Variants in PCNT observed in about 807,000 individuals in gnomAD.
PCNT encodes the protein kendrin.
In PCNT, 319 loss-of-function variants were observed where a neutral mutation model predicts 380.4. That is an observed-to-expected ratio of 0.84 (90% confidence interval 0.77 to 0.92). The LOEUF (loss-of-function observed/expected upper bound fraction) is 0.92. Ranked by LOEUF, PCNT falls within the 40% of genes least tolerant of loss-of-function variation. The pLI, the probability that PCNT is intolerant of heterozygous loss-of-function variation, is 0.00. For missense variants in PCNT, 4,400 were observed against 4,255.3 expected (o/e 1.03, Z -0.95); for synonymous variants, 1,845 against 1,735.2 (o/e 1.06, Z -1.57).
chr21:46,359,247 C>CCAGCCTCG (rs1555957717), intron 13 of PCNT, among the ~76,000 whole-genome samples: 40 of 145,342 alleles, frequency 2.8e-4, no homozygotes, highest in Non-Finnish European at 3.3e-4. Context: ...GCCACCGAAC[C>CCAGCCTCG]TGGCTCCAGG....
rs552854585 is a variant in PCNT at position 46,380,145 on chromosome 21, A to ATTTTTT, written c.3166-1516_3166-1511dup. Among the ~76,000 whole-genome samples the ATTTTTT allele has an allele frequency of 4.0e-4, 24 of 59,714 alleles. 1 individual carries two copies. The highest frequency in any genetic ancestry group is 8.7e-4 in the African/African-American group (11 of 12,680). 39.2% of individuals were successfully genotyped at this position (59,714 alleles called of 152,430 possible). On this transcript the variant is annotated intron_variant, in intron 15 of 46. Transcript: ENST00000359568. ...GTTTCCAACCGGTGCCCTGGGGTAG[A>ATTTTTT]TTTTTTTTTTTTTTTTTTTTTTTTT... is the stretch of plus-strand genomic sequence containing the variant.
chr21:46,377,731 C>T (rs542420258), intron 15 of PCNT, among the ~76,000 whole-genome samples: 18 of 152,250 alleles, frequency 1.2e-4, no homozygotes, highest in African/African-American at 4.1e-4. Context: ...CCATATAGTT[C>T]CAGCTACTCA....
chr21:46,442,741 C>T lies in PCNT; in HGVS notation c.9700+168C>T, dbSNP rs17372047. ...TCGTCCAGAGGGAAGGCGCGCCCGG[C>T]GTAGGGAGGTCAGAGCTCATGTTAG... is the stretch of plus-strand genomic sequence containing the variant. On this transcript the variant is annotated intron_variant, in intron 44 of 46. Transcript: ENST00000359568. The T allele has an allele frequency of 0.05, 33,392 of 665,684 alleles. 1,095 individuals are homozygous for T. Among genetic ancestry groups the T allele is most frequent in the Non-Finnish European group, 0.063 (23,085 of 366,290 alleles). 41.2% of individuals were successfully genotyped at this position (665,684 alleles called of 1,614,324 possible).
intron 9 of PCNT, among the ~76,000 whole-genome samples, chr21:46,351,792 A>G (rs2146630333): frequency 6.6e-6 from 1 of 152,336 alleles, no homozygotes. Context: ...GCCAAGAGCA[A>G]CACTTGCAGG....
In PCNT at chr21:46,412,914, C is replaced by T. The variant is rs143671774; in HGVS notation, c.6072C>T (p.Thr2024=). Residue 2024 remains threonine, a synonymous_variant, in exon 29 of 47, where the codon ACC becomes ACT. Transcript: ENST00000359568. The part of the protein sequence containing the change: ...CKQEGVMSVL[T]VCQRQLQSEL... ...AAGAAGGCGTGATGTCAGTGCTCACCGTCTGCCAGAGGCAGCTGCAGTCGG... is the reference window on the plus strand; with the variant it reads ...AAGAAGGCGTGATGTCAGTGCTCACTGTCTGCCAGAGGCAGCTGCAGTCGG... The T allele has an allele frequency of 7.5e-4, 1,213 of 1,612,730 alleles. 2 individuals carry two copies. Among genetic ancestry groups the T allele is most frequent in the Non-Finnish European group, 9.8e-4 (1,153 of 1,180,020 alleles).
In PCNT at chr21:46,402,433, C is replaced by CA; in HGVS notation, c.5066dup (p.Thr1690AspfsTer9). 1.2e-6 allele frequency: 2 copies of CA among 1,613,950 alleles called. No homozygotes were observed. The highest frequency in any genetic ancestry group is 1.7e-6 in the Non-Finnish European group (2 of 1,179,908). ...CTTAAAATTGGACATGCAGAACAGC[C>CA]AGACTGCTGTCAGCCTCAGAGAACT... is the stretch of plus-strand genomic sequence containing the variant. On this transcript the variant is annotated frameshift_variant, in exon 27 of 47. Coordinates refer to ENST00000359568, the MANE Select transcript of PCNT (RefSeq NM_006031.6). LOFTEE classifies it high-confidence loss of function.
intron 1 of PCNT, chr21:46,324,788 CGGCCGG>C (rs1295198283): frequency 9.0e-6 from 7 of 775,368 alleles, no homozygotes; most frequent in Admixed American, 6.3e-5. Context: ...GTTTCCTGCG[CGGCCGG>C]GGCCGGGGGC....
intron 33 of PCNT, among the ~76,000 whole-genome samples, chr21:46,427,421 G>A (rs1391194532): frequency 2.0e-5 from 3 of 152,274 alleles, no homozygotes; most frequent in Non-Finnish European, 2.9e-5. Flanking sequence ...CCTGGTTTGC[G>A]GACAGCGTCT....
intron 12 of PCNT, 101 bp downstream of exon 12, chr21:46,355,727 G>A: frequency 8.8e-7 from 1 of 1,140,164 alleles, no homozygotes; most frequent in Non-Finnish European, 1.3e-6. Context: ...CCTCCGTGAA[G>A]CAGCTGAGTG....
intron 12 of PCNT, 54 bp from the exon 13 acceptor site, chr21:46,356,920 T>C: frequency 6.7e-7 from 1 of 1,498,684 alleles, no homozygotes; most frequent in South Asian, 1.1e-5. Context: ...GACTGTGGGC[T>C]CCATCGAGGG....
Position 46,325,196 on chromosome 21 carries a change from G to T in PCNT, c.54+914G>T, listed in dbSNP as rs767061817. 32 of 985,352 alleles carry T rather than the reference G, an allele frequency of 3.2e-5. 1 individual carries two copies. The highest frequency in any genetic ancestry group is 3.9e-5 in the Non-Finnish European group (32 of 829,922). The allele number at this position is 985,352 out of a possible 1,614,324, so 61.0% of individuals were successfully genotyped here. A position where few individuals can be genotyped will look rare whatever the true frequency, so the allele number is the denominator to read the frequency against. ...GCGCGAGGCGGAACCGCGGGAGCAG[G>T]CCGGCCTCTGCGAGGTGCGCGCCGC... On this transcript the variant is annotated intron_variant, in intron 1 of 46. Transcript: ENST00000359568.
intron 17 of PCNT, 120 bp downstream of exon 17, chr21:46,386,103 CCTGG>C: frequency 1.7e-6 from 2 of 1,197,362 alleles, no homozygotes; most frequent in South Asian, 2.5e-5. Context: ...CACGCTGGCT[CCTGG>C]TGGACGGGGA....
intron 2 of PCNT, among the ~76,000 whole-genome samples, chr21:46,327,514 C>T (rs2083431655): frequency 6.6e-6 from 1 of 152,146 alleles, no homozygotes; most frequent in South Asian, 2.1e-4. Context: ...GATCCTCCCT[C>T]CTCAGCCTCT....
intron 28 of PCNT, 99 bp from the exon 29 acceptor site, chr21:46,412,738 T>C: frequency 1.6e-6 from 2 of 1,281,700 alleles, no homozygotes; most frequent in Non-Finnish European, 2.2e-6. Context: ...CTGGCATCCC[T>C]GCTGGCTGCC....
chr21:46,397,399 C>T lies in PCNT; in HGVS notation c.4351C>T (p.Arg1451Cys), dbSNP rs200606073. Reference protein sequence around the residue: ...SELEEQLSQHRGCAKQAEAVT... With the variant: ...SELEEQLSQHCGCAKQAEAVT... Reference sequence around the variant, plus strand: ...GTTAGAAGAACAGCTGTCTCAGCATCGCGGGTGTGCCAAGCAGGCGGAGGC... The same window carrying T: ...GTTAGAAGAACAGCTGTCTCAGCATTGCGGGTGTGCCAAGCAGGCGGAGGC... Residue 1451 changes from arginine (R) to cysteine (C), a missense_variant, in exon 22 of 47, where the codon CGC becomes TGC. Transcript: ENST00000359568. The T allele has an allele frequency of 4.6e-5, 75 of 1,614,186 alleles. No homozygotes were observed. The highest frequency in any genetic ancestry group is 1.8e-4 in the Admixed American group (11 of 60,028).
rs1016205012 is a variant in PCNT, at chr21:46,325,295, G to T, written c.54+1013G>T. ...CGGGCACGGCGGACAGGGGACGCGG[G>T]GCTAGGCCGGGGAAGGGCTGAGGCG... On this transcript the variant is annotated intron_variant, in intron 1 of 46. Transcript: ENST00000359568. 8.1e-5 allele frequency: 63 copies of T among 775,350 alleles called. No individual in the cohort carries two copies. In the African/African-American group the frequency reaches 1.2e-3, roughly 14 times the overall value. 48.0% of individuals were successfully genotyped at this position (775,350 alleles called of 1,614,324 possible). A position where few individuals can be genotyped will look rare whatever the true frequency, so the allele number is the denominator to read the frequency against.
intron 21 of PCNT, among the ~76,000 whole-genome samples, chr21:46,391,761 T>A (rs929308458): frequency 6.6e-6 from 1 of 152,226 alleles, no homozygotes; most frequent in Non-Finnish European, 1.5e-5. Context: ...GAAAACATAG[T>A]GTTAACAATA....
At chr21:46,428,209 C>T (rs2087591216) in intron 34 of PCNT, among the ~76,000 whole-genome samples, 186 bp from the exon 35 acceptor site, 1 of 152,212 alleles carries the variant, frequency 6.6e-6, no homozygotes, top group South Asian at 2.1e-4. Flanking sequence ...AGGCCTCACG[C>T]AGGGTAGTGC....
chr21:46,391,394 T>C lies in PCNT; in HGVS notation c.4216+18T>C. On this transcript the variant is annotated intron_variant, in intron 21 of 46. Coordinates refer to ENST00000359568, the MANE Select transcript of PCNT (RefSeq NM_006031.6). ...AGAAGCTGGTAAGGAGCGCGGGCTG[T>C]GGAGGGTGGTGCGAGCTGTGGGGCG... The C allele has an allele frequency of 6.5e-7, 1 of 1,539,654 alleles. No individual in the cohort carries two copies. Among genetic ancestry groups the C allele is most frequent in the Non-Finnish European group, 8.8e-7 (1 of 1,139,200 alleles).
Sources: allele counts gnomAD v4.1 joint callset (sites outside exome capture counted in the v4.1 genomes callset), GRCh38; gene constraint gnomAD v4.1.1; transcripts MANE v1.5; gene names NCBI Gene and HGNC (gene_info 2026-07-23, HGNC 2026-07-21).